The following CNTNAP3 variants were observed in gnomAD, a reference collection of about 807,000 sequenced individuals.
CNTNAP3 encodes contactin-associated protein-like 3.
Under a neutral mutation model 92.1 loss-of-function variants are expected in CNTNAP3, and 36 were observed. That is an observed-to-expected ratio of 0.39 (90% CI 0.30 to 0.52). CNTNAP3 has a LOEUF of 0.52. Ranked by LOEUF, CNTNAP3 falls within the 20% of genes least tolerant of loss-of-function variation. The probability of loss-of-function intolerance (pLI) is 0.76; values close to 1 mark genes in which losing one functional copy is unlikely to be tolerated. For synonymous variants in CNTNAP3, 232 were observed against 422.3 expected (o/e 0.55, Z 5.53); for missense variants, 534 against 1,069.6 (o/e 0.50, Z 6.98).
intron 13 of CNTNAP3, among the ~76,000 whole-genome samples, chr9:39,128,011 G>A (rs922624412): frequency 2.0e-5 from 3 of 152,002 alleles, no homozygotes; most frequent in African/African-American, 7.2e-5. Context: ...ACTAATTTTT[G>A]TATTTTTAGT....
At chr9:39,103,665 A>G (rs1826522734) in intron 16 of CNTNAP3, 79 bp downstream of exon 16, 1 of 1,409,968 alleles carries the variant, frequency 7.1e-7, no homozygotes. Flanking sequence ...TAAGAATGAA[A>G]TACTAACATT....
At chr9:39,095,122 CTCACTT>C (rs1826296255) in intron 18 of CNTNAP3, among the ~76,000 whole-genome samples, 1 of 151,486 alleles carries the variant, frequency 6.6e-6, no homozygotes, top group Non-Finnish European at 1.5e-5. Context: ...TTTCCTTAAT[CTCACTT>C]TCAGATTTTT....
At chr9:39,076,954 T>TCAAACAAA (rs555104781) in intron 23 of CNTNAP3, among the ~76,000 whole-genome samples, 129 of 150,694 alleles carry the variant, frequency 8.6e-4, no homozygotes, top group African/African-American at 3.0e-3. Context: ...AGACTCCCTC[T>TCAAACAAA]CAAACAAACA....
At position 39,069,139 on chromosome 9, in the gene CNTNAP3, G is replaced by T. The variant is rs1825581339; in HGVS notation, c.*4751C>A. Among the ~76,000 whole-genome samples, 6 of 151,872 alleles carry T rather than the reference G, an allele frequency of 4.0e-5. No individual in the cohort carries two copies. On this transcript the variant is annotated 3_prime_UTR_variant, in exon 24 of 24. Coordinates refer to ENST00000297668, the MANE Select transcript of CNTNAP3 (RefSeq NM_033655.5). Reference sequence around the variant, plus strand: ...CAGATTAAGATGAACATTGTAGATTGGAGCATATTATGGGAGCAAGGCAAC... The same window carrying T: ...CAGATTAAGATGAACATTGTAGATTTGAGCATATTATGGGAGCAAGGCAAC...
At chr9:39,132,210 G>A (rs1821310254) in intron 13 of CNTNAP3, among the ~76,000 whole-genome samples, 1 of 152,076 alleles carries the variant, frequency 6.6e-6, no homozygotes, top group Non-Finnish European at 1.5e-5. Context: ...TAGCAATAAA[G>A]TGCTTTCAAG....
intron 21 of CNTNAP3, chr9:39,085,157 TTATGATAGACAA>T (rs1042080945): frequency 1.4e-5 from 2 of 145,104 alleles, no homozygotes; most frequent in African/African-American, 5.1e-5. Context: ...TTACAACAGA[TTATGATAGACAA>T]TATGATAGAC....
intron 12 of CNTNAP3, among the ~76,000 whole-genome samples, chr9:39,134,529 G>C (rs1821381883): frequency 6.6e-6 from 1 of 152,064 alleles, no homozygotes; most frequent in East Asian, 1.9e-4. Flanking sequence ...GGTTCAAGCA[G>C]TTCTCCTGTC....
rs372923273 is a variant in CNTNAP3, at chr9:39,071,188, G to T, written c.*2702C>A. 5.7e-3 allele frequency among the ~76,000 whole-genome samples: 866 copies of T among 152,028 alleles called. 8 individuals are homozygous for T. In the South Asian group the frequency reaches 0.081, roughly 14 times the overall value. On this transcript the variant is annotated 3_prime_UTR_variant, in exon 24 of 24. Coordinates refer to ENST00000297668, the MANE Select transcript of CNTNAP3 (RefSeq NM_033655.5). ...ATGAAAGATCATACACAGTCTGGAAGAAAATGTTAAATTTACTGTGACTTT... is the reference window on the plus strand; with the variant it reads ...ATGAAAGATCATACACAGTCTGGAATAAAATGTTAAATTTACTGTGACTTT...
chr9:39,096,030 G>A lies in CNTNAP3; in HGVS notation c.2995+3881C>T, dbSNP rs184103068. 3.4e-3 allele frequency among the ~76,000 whole-genome samples: 510 copies of A among 151,140 alleles called. 5 individuals are homozygous for A. The highest frequency in any genetic ancestry group is 0.014 in the Middle Eastern group (4 of 294). On this transcript the variant is annotated intron_variant, in intron 18 of 23. Transcript: ENST00000297668. Reference sequence around the variant, plus strand: ...TTCCTCTGACTCATGTTACCATTTGGTGTCATTCCTTATTTCAGTACAGCC... The same window carrying A: ...TTCCTCTGACTCATGTTACCATTTGATGTCATTCCTTATTTCAGTACAGCC...
rs1310278062 is a variant in CNTNAP3 at position 39,234,464 on chromosome 9, T to C, written c.390+4529A>G. On this transcript the variant is annotated intron_variant, in intron 3 of 23. Transcript: ENST00000297668. ...TACTATATATATGTATATATATATA[T>C]ACACACACACATGATTATCCCAGAA... Among the ~76,000 whole-genome samples the C allele has an allele frequency of 1.1e-4, 3 of 27,276 alleles. 1 individual carries two copies. Among genetic ancestry groups the C allele is most frequent in the Non-Finnish European group, 3.2e-4 (3 of 9,472 alleles). The allele number at this position is 27,276 out of a possible 152,430, so 17.9% of individuals were successfully genotyped here. A position where few individuals can be genotyped will look rare whatever the true frequency, so the allele number is the denominator to read the frequency against.
intron 12 of CNTNAP3, among the ~76,000 whole-genome samples, chr9:39,137,494 A>G (rs1821468381): frequency 6.6e-6 from 1 of 151,270 alleles, no homozygotes. Context: ...GCCATATCTG[A>G]CTCTGGTTTT....
intron 10 of CNTNAP3, among the ~76,000 whole-genome samples, chr9:39,148,207 G>A (rs531433536): frequency 6.6e-6 from 1 of 152,098 alleles, no homozygotes; most frequent in African/African-American, 2.4e-5. Flanking sequence ...CAAATCTCAA[G>A]GTCAAGAATG....
intron 7 of CNTNAP3, among the ~76,000 whole-genome samples, chr9:39,175,095 C>T (rs371965248): frequency 4.5e-5 from 6 of 133,124 alleles, no homozygotes; most frequent in East Asian, 2.1e-4. Context: ...CCCAGCTACT[C>T]GGAAGGCTGA....
rs1381353586 is a variant in CNTNAP3 at position 39,067,188 on chromosome 9, C to G, written c.*6702G>C. Among the ~76,000 whole-genome samples the G allele has an allele frequency of 6.6e-6, 1 of 152,306 alleles. No homozygotes were observed. The highest frequency in any genetic ancestry group is 1.5e-5 in the Non-Finnish European group (1 of 68,058). ...CTTATACATTAACATTGTCATCTCT[C>G]GAAGTTTAATTAAAGCCTTTTCTTG... On this transcript the variant is annotated 3_prime_UTR_variant, in exon 24 of 24. Coordinates refer to ENST00000297668, the MANE Select transcript of CNTNAP3 (RefSeq NM_033655.5).
rs1244016021 is a variant in CNTNAP3, at chr9:39,069,564, G to A, written c.*4326C>T. Among the ~76,000 whole-genome samples the A allele has an allele frequency of 8.7e-6, 1 of 114,908 alleles. No individual in the cohort carries two copies. The highest frequency in any genetic ancestry group is 8.3e-5 in the Admixed American group (1 of 11,998). The allele number at this position is 114,908 out of a possible 152,430, so 75.4% of individuals were successfully genotyped here. A position where few individuals can be genotyped will look rare whatever the true frequency, so the allele number is the denominator to read the frequency against. ...AATAAAATGCAAAAATATAATTTTA[G>A]GTCATAACCTATAGGCAATAAACTA... is the stretch of plus-strand genomic sequence containing the variant. On this transcript the variant is annotated 3_prime_UTR_variant, in exon 24 of 24. Transcript: ENST00000297668.
At chr9:39,113,818 G>A (rs979806225) in intron 14 of CNTNAP3, among the ~76,000 whole-genome samples, 27 of 150,512 alleles carry the variant, frequency 1.8e-4, no homozygotes, top group Admixed American at 5.3e-4. Context: ...CTTACTAAAC[G>A]ATATATGGCT....
intron 9 of CNTNAP3, among the ~76,000 whole-genome samples, chr9:39,162,755 A>G (rs1180251536): frequency 6.9e-6 from 1 of 144,116 alleles, no homozygotes; most frequent in African/African-American, 2.7e-5. Flanking sequence ...TAGGAGTGGG[A>G]GCTTAGTATT....
chr9:39,091,825 A>G (rs1826211044), intron 18 of CNTNAP3, among the ~76,000 whole-genome samples: 1 of 151,876 alleles, frequency 6.6e-6, no homozygotes, highest in African/African-American at 2.4e-5. Context: ...ATATTCTGAT[A>G]GTTGATAGCA....
intron 13 of CNTNAP3, among the ~76,000 whole-genome samples, chr9:39,127,429 A>T (rs1335134165): frequency 1.3e-5 from 2 of 152,084 alleles, no homozygotes; most frequent in Non-Finnish European, 1.5e-5. Flanking sequence ...CAAAGAGAAG[A>T]GCAGATTTCA....
Sources: allele counts gnomAD v4.1 joint callset (sites outside exome capture counted in the v4.1 genomes callset), GRCh38; gene constraint gnomAD v4.1.1; transcripts MANE v1.5; gene names NCBI Gene and HGNC (gene_info 2026-07-23, HGNC 2026-07-21).